Variants in CSMD1 observed in about 807,000 individuals in gnomAD.
CSMD1 encodes CUB and Sushi multiple domains 1.
A neutral mutation model predicts 417.5 loss-of-function variants in CSMD1; 213 were observed. That is an observed-to-expected ratio of 0.51 (90% CI 0.46 to 0.57). CSMD1 has a LOEUF of 0.57. CSMD1 is among the 20% of genes least tolerant of loss of function. CSMD1 has a pLI of 0.00. For missense variants in CSMD1, 6,923 were observed against 4,529.7 expected (o/e 1.53, Z -15.17); for synonymous variants, 2,862 against 1,736.8 (o/e 1.65, Z -16.11).
At chr8:3,892,774 T>C (rs937741953) in intron 5 of CSMD1, among the ~76,000 whole-genome samples, 2 of 147,030 alleles carry the variant, frequency 1.4e-5, no homozygotes, top group African/African-American at 5.0e-5. Flanking sequence ...CTAGCCATCG[T>C]AGGACAATTT....
chr8:4,513,871 G>C (rs1802959701), intron 2 of CSMD1, among the ~76,000 whole-genome samples: 1 of 152,142 alleles, frequency 6.6e-6, no homozygotes, highest in Non-Finnish European at 1.5e-5. Flanking sequence ...CTCTAGGTCT[G>C]ATTTTTGTGA....
chr8:3,029,174 G>A (rs997284704), intron 51 of CSMD1, 145 bp downstream of exon 51: 61 of 543,926 alleles, frequency 1.1e-4, no homozygotes, highest in East Asian at 1.0e-3. Context: ...TATTCACATC[G>A]CAATGAAAAG....
intron 5 of CSMD1, among the ~76,000 whole-genome samples, chr8:3,799,114 TAC>T (rs2129071601): frequency 6.6e-6 from 1 of 152,282 alleles, no homozygotes; most frequent in South Asian, 2.1e-4. Context: ...CTCAATTTGC[TAC>T]ATAGTTTAAT....
chr8:4,462,416 T>G (rs867799650), intron 2 of CSMD1, among the ~76,000 whole-genome samples: 3 of 152,118 alleles, frequency 2.0e-5, no homozygotes, highest in Admixed American at 1.3e-4. Context: ...ATGGCAATAC[T>G]CCCCAAATTG....
At chr8:2,997,412 C>T (rs1807008759) in intron 54 of CSMD1, among the ~76,000 whole-genome samples, 1 of 152,178 alleles carries the variant, frequency 6.6e-6, no homozygotes, top group Admixed American at 6.5e-5. Context: ...TGATAAGTTC[C>T]TGGCTTCAAT....
intron 51 of CSMD1, among the ~76,000 whole-genome samples, chr8:3,020,375 G>C (rs189237185): frequency 1.2e-3 from 183 of 152,258 alleles, no homozygotes; most frequent in African/African-American, 4.4e-3. Context: ...CCCTTTTGTT[G>C]TTGTTTATGT....
At chr8:3,048,213 G>A (rs1311087779) in intron 50 of CSMD1, among the ~76,000 whole-genome samples, 6 of 151,936 alleles carry the variant, frequency 3.9e-5, no homozygotes, top group Admixed American at 6.6e-5. Flanking sequence ...ATAAATATTC[G>A]CGACCAACAA....
At position 3,904,623 on chromosome 8, in the gene CSMD1, C is replaced by CTTTCTTTG. The variant is rs140245658; in HGVS notation, c.818+93279_818+93280insCAAAGAAA. On this transcript the variant is annotated intron_variant, in intron 5 of 69. Coordinates refer to ENST00000635120, the MANE Select transcript of CSMD1 (RefSeq NM_033225.6). ...TTTTATTTCCTTTTTCTCTTTCTTT[C>CTTTCTTTG]TTTCTCGTTTTCTTTCTTTTTTTTT... Among the ~76,000 whole-genome samples the CTTTCTTTG allele has an allele frequency of 3.2e-3, 476 of 148,150 alleles. 3 individuals carry two copies. Among genetic ancestry groups the CTTTCTTTG allele is most frequent in the African/African-American group, 6.4e-3 (255 of 39,826 alleles).
At chr8:3,040,491 T>C (rs1476132991) in intron 50 of CSMD1, among the ~76,000 whole-genome samples, 1 of 150,216 alleles carries the variant, frequency 6.7e-6, no homozygotes, top group Non-Finnish European at 1.5e-5. Context: ...CATATAAACA[T>C]ATATATGTAT....
At chr8:4,199,433 G>A (rs560564502) in intron 3 of CSMD1, among the ~76,000 whole-genome samples, 2 of 152,284 alleles carry the variant, frequency 1.3e-5, no homozygotes, top group African/African-American at 2.4e-5. Flanking sequence ...GTCAAGTCAT[G>A]TAAGTCTATT....
At chr8:4,340,697 C>T (rs1195060210) in intron 3 of CSMD1, among the ~76,000 whole-genome samples, 1 of 152,040 alleles carries the variant, frequency 6.6e-6, no homozygotes, top group Non-Finnish European at 1.5e-5. Context: ...ATTAGAAGTA[C>T]ATTTTAAACA....
chr8:3,503,037 G>A (rs1300390068), intron 10 of CSMD1, among the ~76,000 whole-genome samples: 1 of 152,078 alleles, frequency 6.6e-6, no homozygotes, highest in East Asian at 1.9e-4. Flanking sequence ...ATTTTGCTGT[G>A]CAAACTGCTC....
intron 5 of CSMD1, among the ~76,000 whole-genome samples, chr8:3,833,376 TA>T (rs1317499353): frequency 6.6e-6 from 1 of 152,136 alleles, no homozygotes; most frequent in Non-Finnish European, 1.5e-5. Context: ...CCTCACCTCC[TA>T]AAATAATTTA....
intron 7 of CSMD1, among the ~76,000 whole-genome samples, chr8:3,670,845 AT>A (rs1798977137): frequency 6.6e-6 from 1 of 150,712 alleles, no homozygotes; most frequent in South Asian, 2.1e-4. Flanking sequence ...ATATATGTAT[AT>A]GGGATATATA....
At chr8:3,998,673 A>C (rs1379835410) in intron 4 of CSMD1, among the ~76,000 whole-genome samples, 3 of 152,166 alleles carry the variant, frequency 2.0e-5, no homozygotes, top group Non-Finnish European at 2.9e-5. Flanking sequence ...ATGAAACTTA[A>C]AATGGAATAT....
At chr8:4,723,057 C>G (rs540452041) in intron 1 of CSMD1, among the ~76,000 whole-genome samples, 2 of 152,222 alleles carry the variant, frequency 1.3e-5, no homozygotes, top group East Asian at 1.9e-4. Flanking sequence ...GTATTGATCT[C>G]CTTTCAAAAG....
At chr8:4,141,180 A>C (rs1024425647) in intron 3 of CSMD1, among the ~76,000 whole-genome samples, 4 of 151,218 alleles carry the variant, frequency 2.6e-5, no homozygotes, top group African/African-American at 7.4e-5. Context: ...GTTTCAAAAA[A>C]TTATTCCCAG....
chr8:4,541,235 G>C (rs545739947), intron 2 of CSMD1, among the ~76,000 whole-genome samples: 42 of 152,230 alleles, frequency 2.8e-4, no homozygotes, highest in Admixed American at 1.5e-3. Flanking sequence ...AGTAACTACT[G>C]TGTGACTTAG....
At chr8:3,147,062 G>A (rs78581291) in intron 40 of CSMD1, among the ~76,000 whole-genome samples, 3,143 of 148,430 alleles carry the variant, frequency 0.021, 102 homozygotes, top group African/African-American at 0.075. Flanking sequence ...CAGAGTAACT[G>A]GAGGAGCAAC....
Sources: allele counts gnomAD v4.1 joint callset (sites outside exome capture counted in the v4.1 genomes callset), GRCh38; gene constraint gnomAD v4.1.1; transcripts MANE v1.5; gene names NCBI Gene and HGNC (gene_info 2026-07-23, HGNC 2026-07-21).